SH3RF3: variants seen among roughly 807,000 people sequenced by gnomAD.
SH3RF3 encodes the protein E3 ubiquitin-protein ligase SH3RF3.
In SH3RF3, 29 loss-of-function variants were observed where a neutral mutation model predicts 66.3. The ratio of observed to expected loss-of-function variants is 0.44; its 90% CI spans 0.33 to 0.60. The LOEUF (loss-of-function observed/expected upper bound fraction) is 0.60. Ranked by LOEUF, SH3RF3 falls within the 20% of genes least tolerant of loss-of-function variation. The pLI is 0.04. For synonymous variants in SH3RF3, 583 were observed against 532.0 expected, an observed-to-expected ratio of 1.10 and a Z score of -1.32; for missense variants, 1,194 against 1,190.9, an observed-to-expected ratio of 1.00 and a Z score of -0.04.
intron 1 of SH3RF3, among the ~76,000 whole-genome samples, chr2:109,334,333 G>T (rs1476899617): frequency 7.2e-6 from 1 of 139,326 alleles, no homozygotes; most frequent in Non-Finnish European, 1.5e-5. Flanking sequence ...ACTTCAGATT[G>T]GGTGACAGTT....
chr2:109,462,923 A>G (rs1429405367), intron 8 of SH3RF3, among the ~76,000 whole-genome samples: 1 of 152,236 alleles, frequency 6.6e-6, no homozygotes, highest in Non-Finnish European at 1.5e-5. Flanking sequence ...TCCAGTGTCC[A>G]GCTGTCCCTG....
intron 3 of SH3RF3, among the ~76,000 whole-genome samples, chr2:109,378,382 C>T (rs1474020918): frequency 6.6e-6 from 1 of 152,208 alleles, no homozygotes; most frequent in Non-Finnish European, 1.5e-5. Context: ...TAGTTCTCAA[C>T]TCCCAGTTGA....
At chr2:109,423,120 G>A (rs115740562) in intron 5 of SH3RF3, among the ~76,000 whole-genome samples, 359 of 152,288 alleles carry the variant, frequency 2.4e-3, no homozygotes, top group African/African-American at 8.0e-3. Context: ...ACCCTGTGAG[G>A]TGCATGACCA....
intron 1 of SH3RF3, among the ~76,000 whole-genome samples, chr2:109,224,346 A>G (rs953441182): frequency 1.3e-5 from 2 of 152,248 alleles, no homozygotes; most frequent in East Asian, 3.8e-4. Flanking sequence ...ACATTTTCAG[A>G]TACGCATGTG....
chr2:109,233,164 C>T (rs1417413018), intron 1 of SH3RF3, among the ~76,000 whole-genome samples: 1 of 152,198 alleles, frequency 6.6e-6, no homozygotes, highest in Non-Finnish European at 1.5e-5. Flanking sequence ...TTAACCAGCT[C>T]AGTGGACAGT....
intron 1 of SH3RF3, among the ~76,000 whole-genome samples, chr2:109,142,331 T>A (rs1676974535): frequency 6.6e-6 from 1 of 152,182 alleles, no homozygotes; most frequent in Non-Finnish European, 1.5e-5. Flanking sequence ...AAAATTCCCA[T>A]GCATGTTATA....
chr2:109,476,758 G>A (rs1440329918), intron 8 of SH3RF3, among the ~76,000 whole-genome samples: 1 of 152,224 alleles, frequency 6.6e-6, no homozygotes, highest in Non-Finnish European at 1.5e-5. Context: ...TCCATAGACA[G>A]CAGCCCTGAG....
At chr2:109,464,687 A>G (rs1376564504) in intron 8 of SH3RF3, among the ~76,000 whole-genome samples, 1 of 152,182 alleles carries the variant, frequency 6.6e-6, no homozygotes, top group African/African-American at 2.4e-5. Context: ...AGGTTCAGAG[A>G]AAAACTGAGC....
At chr2:109,480,620 C>T (rs1192111594) in intron 8 of SH3RF3, among the ~76,000 whole-genome samples, 2 of 152,206 alleles carry the variant, frequency 1.3e-5, no homozygotes, top group African/African-American at 2.4e-5. Flanking sequence ...CTCTCTGCTG[C>T]CCTGTGGGAG....
intron 8 of SH3RF3, among the ~76,000 whole-genome samples, chr2:109,458,777 C>T (rs1678135401): frequency 6.6e-6 from 1 of 152,176 alleles, no homozygotes; most frequent in Admixed American, 6.5e-5. Flanking sequence ...TGGGCGAGGC[C>T]CACCCACATT....
At chr2:109,435,790 G>T (rs563266426) in intron 6 of SH3RF3, among the ~76,000 whole-genome samples, 5 of 152,250 alleles carry the variant, frequency 3.3e-5, no homozygotes, top group Admixed American at 2.6e-4. Flanking sequence ...TGATTTCCTC[G>T]GGGAAAAGTG....
chr2:109,350,321 T>TA (rs1682812234), intron 2 of SH3RF3, among the ~76,000 whole-genome samples: 1 of 152,206 alleles, frequency 6.6e-6, no homozygotes, highest in African/African-American at 2.4e-5. Context: ...CATCTCCTGT[T>TA]ACAGGATCTG....
At chr2:109,495,477 CTTTTTTTTTTTTTTTTTTTTTT>C (rs569509984) in intron 9 of SH3RF3, among the ~76,000 whole-genome samples, 2 of 94,238 alleles carry the variant, frequency 2.1e-5, no homozygotes, top group Non-Finnish European at 4.0e-5. Context: ...TCTTTCATTC[CTTTTTTTTTTTTTTTTTTTTTT>C]TTTTTTTTTT....
intron 8 of SH3RF3, among the ~76,000 whole-genome samples, chr2:109,464,486 A>T (rs1678288661): frequency 6.6e-6 from 1 of 152,252 alleles, no homozygotes; most frequent in Non-Finnish European, 1.5e-5. Context: ...CTGTACACAT[A>T]TACAGATGCA....
At chr2:109,189,504 G>A (rs924364780) in intron 1 of SH3RF3, among the ~76,000 whole-genome samples, 4 of 151,928 alleles carry the variant, frequency 2.6e-5, no homozygotes, top group Non-Finnish European at 5.9e-5. Context: ...GAGTAGCTGG[G>A]ATTACAGGCA....
At chr2:109,260,779 G>A (rs567565738) in intron 1 of SH3RF3, among the ~76,000 whole-genome samples, 4 of 152,324 alleles carry the variant, frequency 2.6e-5, no homozygotes, top group African/African-American at 9.6e-5. Flanking sequence ...GGTGACCCTA[G>A]CGTGTGTCTG....
chr2:109,196,611 T>C (rs1678506243), intron 1 of SH3RF3, among the ~76,000 whole-genome samples: 1 of 152,118 alleles, frequency 6.6e-6, no homozygotes, highest in African/African-American at 2.4e-5. Context: ...GCCTTGAAAC[T>C]CCGAGTGCTG....
rs1008390641 is a variant in SH3RF3 at position 109,408,862 on chromosome 2, G to C, written c.1299+9919G>C. ...TGGCCTGATGGGTGCGCACAGGGAGGGGGGTCCAGGGCCTTCCTACCATCA... is the reference window on the plus strand; with the variant it reads ...TGGCCTGATGGGTGCGCACAGGGAGCGGGGTCCAGGGCCTTCCTACCATCA... On this transcript the variant is annotated intron_variant, in intron 4 of 9. Coordinates refer to ENST00000309415, the MANE Select transcript of SH3RF3 (RefSeq NM_001099289.3). Among the ~76,000 whole-genome samples, 4 of 152,192 alleles carry C rather than the reference G, an allele frequency of 2.6e-5. No homozygotes were observed. In the South Asian group the frequency reaches 8.3e-4, roughly 32 times the overall value.
intron 1 of SH3RF3, among the ~76,000 whole-genome samples, chr2:109,161,431 T>G (rs1291768934): frequency 6.6e-6 from 1 of 151,368 alleles, no homozygotes; most frequent in Non-Finnish European, 1.5e-5. Context: ...AATGTGATGC[T>G]TCCTGATGGT....
Sources: gnomAD v4.1 joint callset for allele counts (sites outside exome capture counted in the v4.1 genomes callset) on GRCh38, gnomAD v4.1.1 for gene constraint, MANE v1.5 for transcripts, NCBI Gene and HGNC (gene_info 2026-07-23, HGNC 2026-07-21) for gene names.